The following PLCXD3 variants were observed in gnomAD, a reference collection of about 807,000 sequenced individuals.
PLCXD3 encodes phosphatidylinositol specific phospholipase C X domain containing 3.
PLCXD3 carries 19 observed loss-of-function variants against 25.5 expected under a neutral mutation model. The ratio of observed to expected loss-of-function variants is 0.75; its 90% CI spans 0.52 to 1.09. The LOEUF (loss-of-function observed/expected upper bound fraction) is 1.09, where lower values mean the gene tolerates loss of function less well. Among genes scored for constraint, PLCXD3 ranks in the 50% least tolerant of loss-of-function variants. The pLI is 0.00. For missense variants in PLCXD3, 411 were observed against 388.1 expected (o/e 1.06, Z -0.50); for synonymous variants, 174 against 137.6 (o/e 1.26, Z -1.85).
chr5:41,489,953 C>A (rs1051097815), intron 1 of PLCXD3, among the ~76,000 whole-genome samples: 2 of 151,882 alleles, frequency 1.3e-5, no homozygotes, highest in Non-Finnish European at 2.9e-5. Flanking sequence ...TTGCCCTGGC[C>A]AGAACTTCCA....
chr5:41,353,751 C>A (rs1744539625), intron 2 of PLCXD3, among the ~76,000 whole-genome samples: 1 of 152,092 alleles, frequency 6.6e-6, no homozygotes, highest in Non-Finnish European at 1.5e-5. Context: ...GTTCAGGATT[C>A]TTTTCTTCTG....
intron 2 of PLCXD3, among the ~76,000 whole-genome samples, chr5:41,351,281 C>T (rs1469924611): frequency 6.6e-6 from 1 of 152,160 alleles, no homozygotes; most frequent in Non-Finnish European, 1.5e-5. Context: ...CATTCCCCAC[C>T]TCTTGACATT....
chr5:41,470,252 A>T (rs559318686), intron 1 of PLCXD3, among the ~76,000 whole-genome samples: 44 of 152,346 alleles, frequency 2.9e-4, no homozygotes, highest in South Asian at 2.3e-3. Context: ...TGAAACATAA[A>T]GAGTAGATGA....
At chr5:41,339,791 T>G (rs1239716571) in intron 2 of PLCXD3, among the ~76,000 whole-genome samples, 1 of 152,176 alleles carries the variant, frequency 6.6e-6, no homozygotes, top group Non-Finnish European at 1.5e-5. Context: ...TCCTTCATAT[T>G]AATCTATAAT....
intron 1 of PLCXD3, among the ~76,000 whole-genome samples, chr5:41,457,880 T>C (rs1216028125): frequency 3.3e-5 from 5 of 151,808 alleles, no homozygotes; most frequent in African/African-American, 1.2e-4. Flanking sequence ...TCCACAAAAA[T>C]GATGTCCTGG....
chr5:41,407,770 G>A (rs2150502082), intron 1 of PLCXD3, among the ~76,000 whole-genome samples: 1 of 152,228 alleles, frequency 6.6e-6, no homozygotes, highest in Middle Eastern at 3.4e-3. Flanking sequence ...ATAGCTCACG[G>A]AACACTAAGT....
intron 1 of PLCXD3, among the ~76,000 whole-genome samples, chr5:41,386,147 G>T (rs1167517578): frequency 6.6e-6 from 1 of 152,110 alleles, no homozygotes; most frequent in African/African-American, 2.4e-5. Flanking sequence ...TGGCTAAAGG[G>T]AGGAGTTGGA....
chr5:41,380,666 C>A (rs1745431411), intron 2 of PLCXD3, among the ~76,000 whole-genome samples: 1 of 152,130 alleles, frequency 6.6e-6, no homozygotes, highest in African/African-American at 2.4e-5. Flanking sequence ...CTAATCTTTT[C>A]TCTTCATCTT....
intron 1 of PLCXD3, among the ~76,000 whole-genome samples, chr5:41,398,053 T>A (rs1746063993): frequency 6.6e-6 from 1 of 152,200 alleles, no homozygotes; most frequent in Non-Finnish European, 1.5e-5. Flanking sequence ...TTTGAGTTAA[T>A]GCTGGAATGA....
intron 1 of PLCXD3, among the ~76,000 whole-genome samples, chr5:41,387,697 C>A (rs1745681092): frequency 6.6e-6 from 1 of 152,036 alleles, no homozygotes; most frequent in South Asian, 2.1e-4. Flanking sequence ...GGTCTACCAA[C>A]CTGATGGAAA....
At chr5:41,385,845 A>T (rs567471478) in intron 1 of PLCXD3, among the ~76,000 whole-genome samples, 1 of 152,246 alleles carries the variant, frequency 6.6e-6, no homozygotes, top group Admixed American at 6.5e-5. Context: ...CTGGGAGCAG[A>T]GGTCTTTAGA....
chr5:41,504,786 C>T (rs1384843903), intron 1 of PLCXD3, among the ~76,000 whole-genome samples: 1 of 152,170 alleles, frequency 6.6e-6, no homozygotes, highest in Non-Finnish European at 1.5e-5. Flanking sequence ...GCCCAGAGGA[C>T]TAGTTTATCA....
At chr5:41,383,578 T>A (rs1004509921) in intron 1 of PLCXD3, among the ~76,000 whole-genome samples, 1 of 152,092 alleles carries the variant, frequency 6.6e-6, no homozygotes, top group African/African-American at 2.4e-5. Context: ...TTCTAAAAAT[T>A]TCATACATTA....
chr5:41,470,894 A>T (rs1025225699), intron 1 of PLCXD3, among the ~76,000 whole-genome samples: 4 of 152,226 alleles, frequency 2.6e-5, no homozygotes, highest in African/African-American at 9.7e-5. Flanking sequence ...AATAAACTGC[A>T]TTCCCAAGTG....
intron 1 of PLCXD3, among the ~76,000 whole-genome samples, chr5:41,413,010 C>A (rs1746603677): frequency 6.6e-6 from 1 of 152,112 alleles, no homozygotes; most frequent in African/African-American, 2.4e-5. Flanking sequence ...ACATGACAAC[C>A]AGTAATTTTC....
Position 41,493,413 on chromosome 5 carries a change from C to T in PLCXD3, c.103+17011G>A, listed in dbSNP as rs542132368. Among the ~76,000 whole-genome samples, 70 of 152,076 alleles carry T rather than the reference C, an allele frequency of 4.6e-4. No individual in the cohort carries two copies. In the South Asian group the frequency reaches 0.012, roughly 27 times the overall value. ...GACCCACTTGAGGAGGCAGTCTGCCCGTTCTCAGATCTCCAGCTGCATACT... is the reference window on the plus strand; with the variant it reads ...GACCCACTTGAGGAGGCAGTCTGCCTGTTCTCAGATCTCCAGCTGCATACT... On this transcript the variant is annotated intron_variant, in intron 1 of 2. Transcript: ENST00000377801.
rs1024298655 is a variant in PLCXD3, at chr5:41,311,266, A to G, written c.*2351T>C. 6.6e-6 allele frequency: 1 copy of G among 152,128 alleles called. No homozygotes were observed. Among genetic ancestry groups the G allele is most frequent in the Admixed American group, 6.6e-5 (1 of 15,252 alleles). The allele number at this position is 152,128 out of a possible 1,614,324, so 9.4% of individuals were successfully genotyped here. A position where few individuals can be genotyped will look rare whatever the true frequency, so the allele number is the denominator to read the frequency against. The stretch of plus-strand genomic sequence containing the variant: ...TTTAAAAGGATTCATATACATTTTC[A>G]CATAAAGAGCAGGTGTAAAAGACAG... On this transcript the variant is annotated 3_prime_UTR_variant, in exon 3 of 3. Transcript: ENST00000377801.
At chr5:41,492,678 C>T (rs318046) in intron 1 of PLCXD3, among the ~76,000 whole-genome samples, 26,647 of 152,078 alleles carry the variant, frequency 0.18, 2,528 homozygotes, top group Middle Eastern at 0.23. Flanking sequence ...CGCTTCATTT[C>T]ATTCATCTTC....
chr5:41,363,115 C>T (rs534080711), intron 2 of PLCXD3, among the ~76,000 whole-genome samples: 2 of 152,280 alleles, frequency 1.3e-5, no homozygotes, highest in East Asian at 1.9e-4. Flanking sequence ...AATTAAATGA[C>T]TTCTCCTGGC....
Sources: gnomAD v4.1 joint callset for allele counts (sites outside exome capture counted in the v4.1 genomes callset) on GRCh38, gnomAD v4.1.1 for gene constraint, MANE v1.5 for transcripts, NCBI Gene and HGNC (gene_info 2026-07-23, HGNC 2026-07-21) for gene names.